The following CDH6 variants were observed in gnomAD, a reference collection of about 807,000 sequenced individuals.
CDH6 encodes cadherin-6.
Under a neutral mutation model 78.0 loss-of-function variants are expected in CDH6, and 31 were observed. The observed-to-expected ratio is 0.40, with a 90% CI of 0.30 to 0.54. The LOEUF (loss-of-function observed/expected upper bound fraction) is 0.54. CDH6 is among the 20% of genes least tolerant of loss of function. The probability of loss-of-function intolerance (pLI) is 0.56; values close to 1 mark genes in which losing one functional copy is unlikely to be tolerated. For missense variants in CDH6, 724 were observed against 975.9 expected (o/e 0.74, Z 3.44); for synonymous variants, 376 against 368.8 (o/e 1.02, Z -0.23).
chr5:31,233,895 G>T (rs1042876833), intron 1 of CDH6, among the ~76,000 whole-genome samples: 1 of 152,074 alleles, frequency 6.6e-6, no homozygotes, highest in East Asian at 1.9e-4. Flanking sequence ...CACTTGCTTC[G>T]AGTGTGTCTC....
At chr5:31,261,728 A>C (rs1186216650) in intron 1 of CDH6, among the ~76,000 whole-genome samples, 1 of 152,214 alleles carries the variant, frequency 6.6e-6, no homozygotes, top group African/African-American at 2.4e-5. Flanking sequence ...AGAATTAATC[A>C]ACAACACCAG....
Position 31,236,368 on chromosome 5 carries a change from A to C in CDH6, c.-128-30978A>C, listed in dbSNP as rs1467680303. ...AATCACTCGAGTTTATTTCAGTTAC[A>C]GTTATATGACTCATTGAAGGATCAT... is the stretch of plus-strand genomic sequence containing the variant. On this transcript the variant is annotated intron_variant, in intron 1 of 11. Coordinates refer to ENST00000265071, the MANE Select transcript of CDH6 (RefSeq NM_004932.4). Among the ~76,000 whole-genome samples, 6 of 152,194 alleles carry C rather than the reference A, an allele frequency of 3.9e-5. No homozygotes were observed. The East Asian group carries it at 1.2e-3, about 29-fold the overall frequency.
chr5:31,278,645 G>A (rs1742767651), intron 2 of CDH6, among the ~76,000 whole-genome samples: 1 of 152,136 alleles, frequency 6.6e-6, no homozygotes, highest in Non-Finnish European at 1.5e-5. Flanking sequence ...ACCTGAGATT[G>A]TTGATTGCAA....
chr5:31,228,964 A>G (rs995936519), intron 1 of CDH6, among the ~76,000 whole-genome samples: 3 of 152,254 alleles, frequency 2.0e-5, no homozygotes, highest in African/African-American at 7.2e-5. Flanking sequence ...CATAGGGCAT[A>G]AAAAGTACAA....
intron 4 of CDH6, 89 bp downstream of exon 4, chr5:31,297,497 T>A: frequency 1.0e-6 from 1 of 969,092 alleles, no homozygotes; most frequent in South Asian, 1.7e-5. Context: ...AAATAATCAA[T>A]GTGATTGGAT....
chr5:31,207,325 G>T (rs1422304651), intron 1 of CDH6, among the ~76,000 whole-genome samples: 1 of 152,144 alleles, frequency 6.6e-6, no homozygotes, highest in East Asian at 1.9e-4. Flanking sequence ...TGAATGTGTT[G>T]ACACTCACAC....
chr5:31,201,863 T>C (rs775092749), intron 1 of CDH6, among the ~76,000 whole-genome samples: 1 of 152,160 alleles, frequency 6.6e-6, no homozygotes, highest in African/African-American at 2.4e-5. Flanking sequence ...GGTCTCTTAA[T>C]TAAAACTTAC....
chr5:31,199,840 T>C (rs1025912720), intron 1 of CDH6, among the ~76,000 whole-genome samples: 4 of 151,800 alleles, frequency 2.6e-5, no homozygotes, highest in Admixed American at 6.6e-5. Context: ...CTTCTAAGTA[T>C]TTTACATGCA....
chr5:31,317,009 T>C (rs1165291349), intron 9 of CDH6, among the ~76,000 whole-genome samples: 1 of 152,228 alleles, frequency 6.6e-6, no homozygotes, highest in Non-Finnish European at 1.5e-5. Flanking sequence ...TTTATAGCTT[T>C]GCATCACTCA....
chr5:31,314,996 C>G (rs150527922), intron 8 of CDH6, among the ~76,000 whole-genome samples: 1,709 of 152,106 alleles, frequency 0.011, 24 homozygotes, highest in Middle Eastern at 0.031. Context: ...TAACAGAAAC[C>G]AAAAGCTTGT....
At chr5:31,270,227 A>G (rs1742484036) in intron 2 of CDH6, among the ~76,000 whole-genome samples, 1 of 152,230 alleles carries the variant, frequency 6.6e-6, no homozygotes, top group Non-Finnish European at 1.5e-5. Flanking sequence ...CGATTAGACC[A>G]GAGCAGAGGT....
At chr5:31,202,789 T>C (rs928680330) in intron 1 of CDH6, among the ~76,000 whole-genome samples, 2 of 151,444 alleles carry the variant, frequency 1.3e-5, no homozygotes, top group Admixed American at 6.6e-5. Flanking sequence ...GTCACATATA[T>C]ATGTGTATAT....
intron 6 of CDH6, among the ~76,000 whole-genome samples, chr5:31,302,696 G>C (rs529064902): frequency 5.6e-4 from 54 of 95,972 alleles, no homozygotes; most frequent in African/African-American, 1.9e-3. Flanking sequence ...CTAGGTGACA[G>C]AGTGAGACTC....
At chr5:31,299,262 CT>C in intron 4 of CDH6, among the ~76,000 whole-genome samples, 1 of 152,060 alleles carries the variant, frequency 6.6e-6, no homozygotes, top group Middle Eastern at 3.4e-3. Context: ...GTATTACAGG[CT>C]TTTTTTAATG....
chr5:31,287,919 G>A (rs1385118115), intron 2 of CDH6, among the ~76,000 whole-genome samples: 10 of 152,218 alleles, frequency 6.6e-5, no homozygotes, highest in Admixed American at 6.5e-4. Flanking sequence ...AAAACATAAT[G>A]GTTGTAGTGC....
At chr5:31,276,627 T>A (rs1561054184) in intron 2 of CDH6, among the ~76,000 whole-genome samples, 1 of 152,170 alleles carries the variant, frequency 6.6e-6, no homozygotes. Context: ...AGTTATGGCC[T>A]TTTTGGAATA....
At chr5:31,293,357 G>T (rs1435143552) in intron 2 of CDH6, among the ~76,000 whole-genome samples, 2 of 140,550 alleles carry the variant, frequency 1.4e-5, no homozygotes, top group Non-Finnish European at 3.2e-5. Context: ...AATGCTTTGA[G>T]TTGAATTTCA....
chr5:31,317,730 C>T lies in CDH6; in HGVS notation c.1688C>T (p.Thr563Ile), dbSNP rs1738365082. The T allele has an allele frequency of 2.5e-6, 4 of 1,614,136 alleles. No homozygotes were observed. Among genetic ancestry groups the T allele is most frequent in the South Asian group, 1.1e-5 (1 of 91,068 alleles). ...GGCTATAATAGACACGAGATGAGCA[C>T]CTATCTCTTGCCTGTGGTCATTTCA... ...KNGYNRHEMS[T>I]YLLPVVISDN... The change falls in exon 11 of 12, where the codon ACC becomes ATC. Residue 563 changes from threonine to isoleucine, a missense_variant. Coordinates refer to ENST00000265071, the MANE Select transcript of CDH6 (RefSeq NM_004932.4).
intron 2 of CDH6, among the ~76,000 whole-genome samples, chr5:31,270,833 C>T (rs1470442591): frequency 6.6e-6 from 1 of 152,066 alleles, no homozygotes; most frequent in Non-Finnish European, 1.5e-5. Context: ...CTAGCTGAGA[C>T]TACAGACATG....
Sources: gnomAD v4.1 joint callset for allele counts (sites outside exome capture counted in the v4.1 genomes callset) on GRCh38, gnomAD v4.1.1 for gene constraint, MANE v1.5 for transcripts, NCBI Gene and HGNC (gene_info 2026-07-23, HGNC 2026-07-21) for gene names.